Variants in OTUD7A observed in about 807,000 individuals in gnomAD.
OTUD7A encodes OTU deubiquitinase 7A.
A neutral mutation model predicts 65.7 loss-of-function variants in OTUD7A; 12 were observed. The ratio of observed to expected loss-of-function variants is 0.18; its 90% CI spans 0.12 to 0.30. The LOEUF (loss-of-function observed/expected upper bound fraction) is 0.30, where lower values mean the gene tolerates loss of function less well. OTUD7A is among the 10% of genes least tolerant of loss of function. The pLI is 1.00. For missense variants in OTUD7A, 1,148 were observed against 1,304.8 expected (o/e 0.88, Z 1.85); for synonymous variants, 641 against 586.3 (o/e 1.09, Z -1.35).
chr15:31,744,066 C>A (rs1340179281), intron 1 of OTUD7A, among the ~76,000 whole-genome samples: 7 of 152,094 alleles, frequency 4.6e-5, no homozygotes, highest in Admixed American at 4.6e-4. Context: ...TAAAAGGAAA[C>A]AGAAAATCTG....
At chr15:31,798,487 A>T (rs573206507) in intron 1 of OTUD7A, among the ~76,000 whole-genome samples, 1 of 152,304 alleles carries the variant, frequency 6.6e-6, no homozygotes, top group Non-Finnish European at 1.5e-5. Context: ...ACATAAAATG[A>T]ACAAGGCAGC....
intron 6 of OTUD7A, among the ~76,000 whole-genome samples, chr15:31,528,082 AAT>A (rs1318033259): frequency 1.3e-5 from 2 of 152,184 alleles, no homozygotes; most frequent in Non-Finnish European, 2.9e-5. Context: ...AGGTGCTGGG[AAT>A]ATATGTGGCA....
Position 31,483,731 on chromosome 15 carries a change from C to G in OTUD7A, c.2365G>C (p.Glu789Gln). 1 of 1,115,980 alleles carries G rather than the reference C, an allele frequency of 9.0e-7. No individual in the cohort carries two copies. Among genetic ancestry groups the G allele is most frequent in the African/African-American group, 1.7e-5 (1 of 59,796 alleles). 69.1% of individuals were successfully genotyped at this position (1,115,980 alleles called of 1,614,324 possible). A position where few individuals can be genotyped will look rare whatever the true frequency, so the allele number is the denominator to read the frequency against. ...IHVQASGARD[E>Q]ACAPAVGALR... is the part of the protein sequence containing the mutation. ...GCCCCCACGGCCGGCGCGCACGCCTCGTCCCGCGCGCCCGACGCCTGCACG... is the reference window on the plus strand; with the variant it reads ...GCCCCCACGGCCGGCGCGCACGCCTGGTCCCGCGCGCCCGACGCCTGCACG... The change falls in exon 13 of 13, where the codon GAG (glutamate) becomes CAG (glutamine). Residue 789 changes from glutamate (E) to glutamine (Q), a missense_variant. Glu to Gln is a conservative substitution (Grantham distance 29). This residue lies in a region of OTUD7A where 842 missense variants were observed against 769.5 expected (regional missense o/e 1.09). Coordinates refer to ENST00000307050, the MANE Select transcript of OTUD7A (RefSeq NM_001382637.1).
intron 1 of OTUD7A, chr15:31,768,118 C>T: frequency 6.3e-7 from 1 of 1,595,268 alleles, no homozygotes; most frequent in South Asian, 1.1e-5. Context: ...TTCTTAGAGG[C>T]ATTCCTGCTC....
chr15:31,652,795 T>C (rs1027290946), intron 3 of OTUD7A, among the ~76,000 whole-genome samples: 10 of 152,106 alleles, frequency 6.6e-5, no homozygotes, highest in Admixed American at 6.6e-4. Flanking sequence ...AGCTATCAAA[T>C]GGTTAAAATG....
At chr15:31,738,844 T>C (rs953649788) in intron 1 of OTUD7A, among the ~76,000 whole-genome samples, 3 of 152,238 alleles carry the variant, frequency 2.0e-5, no homozygotes, top group East Asian at 3.8e-4. Context: ...CAAATTACTC[T>C]TCAGCGGACG....
chr15:31,750,533 G>T (rs1894605349), intron 1 of OTUD7A, among the ~76,000 whole-genome samples: 1 of 148,286 alleles, frequency 6.7e-6, no homozygotes, highest in African/African-American at 2.5e-5. Flanking sequence ...ACATCAAAAA[G>T]AGCCTGAATA....
At chr15:31,869,643 T>C (rs530507372) in intron 1 of OTUD7A, among the ~76,000 whole-genome samples, 1 of 152,294 alleles carries the variant, frequency 6.6e-6, no homozygotes, top group South Asian at 2.1e-4. Context: ...AATCTATACA[T>C]TCTCAAGCCA....
intron 1 of OTUD7A, among the ~76,000 whole-genome samples, chr15:31,714,261 A>G (rs1282452738): frequency 6.6e-6 from 1 of 152,238 alleles, no homozygotes; most frequent in Non-Finnish European, 1.5e-5. Flanking sequence ...GATAAACTAC[A>G]GTATACTCAC....
intron 5 of OTUD7A, among the ~76,000 whole-genome samples, chr15:31,547,532 C>T (rs1888170673): frequency 6.6e-6 from 1 of 152,170 alleles, no homozygotes; most frequent in South Asian, 2.1e-4. Context: ...AAACAGATTT[C>T]TATTTCTTCC....
intron 3 of OTUD7A, among the ~76,000 whole-genome samples, chr15:31,631,850 C>T (rs1322171962): frequency 6.6e-6 from 1 of 152,192 alleles, no homozygotes; most frequent in Non-Finnish European, 1.5e-5. Flanking sequence ...CATCTTCCAT[C>T]ACTGATACCC....
intron 1 of OTUD7A, chr15:31,766,972 A>T: frequency 6.2e-7 from 1 of 1,611,700 alleles, no homozygotes; most frequent in African/African-American, 1.3e-5. Context: ...ACTTAACCCT[A>T]TTAAATTATG....
chr15:31,766,423 G>T, intron 1 of OTUD7A: 1 of 1,580,114 alleles, frequency 6.3e-7, no homozygotes, highest in Non-Finnish European at 8.7e-7. Context: ...AGCAAACTTT[G>T]TGTGCCAGTC....
chr15:31,684,523 G>T (rs2141310245), intron 1 of OTUD7A, among the ~76,000 whole-genome samples: 1 of 151,904 alleles, frequency 6.6e-6, no homozygotes, highest in South Asian at 2.1e-4. Context: ...GTGAGTTGAG[G>T]CTGCAGTCTC....
At chr15:31,565,315 T>C (rs796831682) in intron 4 of OTUD7A, among the ~76,000 whole-genome samples, 3 of 152,326 alleles carry the variant, frequency 2.0e-5, no homozygotes, top group African/African-American at 7.2e-5. Context: ...GATGATACTA[T>C]TGTATACTTA....
chr15:31,852,529 A>T (rs918739690), intron 1 of OTUD7A, among the ~76,000 whole-genome samples: 1 of 152,248 alleles, frequency 6.6e-6, no homozygotes, highest in African/African-American at 2.4e-5. Flanking sequence ...TTGTAACTAC[A>T]AATAGCTTAT....
chr15:31,677,618 C>G (rs1247610875), intron 1 of OTUD7A, among the ~76,000 whole-genome samples: 1 of 152,144 alleles, frequency 6.6e-6, no homozygotes, highest in Non-Finnish European at 1.5e-5. Flanking sequence ...TTTCTCCTTC[C>G]CGCTGTCCTG....
At chr15:31,862,931 T>C (rs1897782391) in intron 1 of OTUD7A, among the ~76,000 whole-genome samples, 1 of 152,094 alleles carries the variant, frequency 6.6e-6, no homozygotes, top group Non-Finnish European at 1.5e-5. Context: ...AAAAGCGAGC[T>C]ACTTACTTTC....
chr15:31,809,193 T>G (rs1896357996), intron 1 of OTUD7A, among the ~76,000 whole-genome samples: 1 of 152,200 alleles, frequency 6.6e-6, no homozygotes, highest in African/African-American at 2.4e-5. Flanking sequence ...TGCTACTATT[T>G]TTAAGGAACA....
Sources: gnomAD v4.1 joint callset for allele counts (sites outside exome capture counted in the v4.1 genomes callset) on GRCh38, gnomAD v4.1.1 for gene constraint, gnomAD v4.1.1 regional missense constraint, MANE v1.5 for transcripts, NCBI Gene and HGNC (gene_info 2026-07-23, HGNC 2026-07-21) for gene names.